FGF18: variants seen among roughly 807,000 people sequenced by gnomAD.
The protein encoded by FGF18 is fibroblast growth factor 18.
Under a neutral mutation model 23.0 loss-of-function variants are expected in FGF18, and 5 were observed. That is an observed-to-expected ratio of 0.22 (90% CI 0.11 to 0.46). The LOEUF (loss-of-function observed/expected upper bound fraction) is 0.46, where lower values mean the gene tolerates loss of function less well. Ranked by LOEUF, FGF18 falls within the 20% of genes least tolerant of loss-of-function variation. The pLI is 0.99. For synonymous variants in FGF18, 117 were observed against 118.9 expected (o/e 0.98, Z 0.10); for missense variants, 180 against 291.6 (o/e 0.62, Z 2.79).
intron 3 of FGF18, among the ~76,000 whole-genome samples, chr5:171,439,839 T>G (rs1468319650): frequency 6.6e-6 from 1 of 152,272 alleles, no homozygotes; most frequent in East Asian, 1.9e-4. Flanking sequence ...GGAAACCTTA[T>G]GATTGGATAT....
intron 2 of FGF18, among the ~76,000 whole-genome samples, chr5:171,428,664 A>G (rs1772133719): frequency 6.6e-6 from 1 of 152,192 alleles, no homozygotes; most frequent in Non-Finnish European, 1.5e-5. Context: ...ATCCATTCCC[A>G]GGAATGGGGA....
chr5:171,420,466 C>T (rs1771986963), intron 2 of FGF18, 23 bp downstream of exon 2: 3 of 1,610,852 alleles, frequency 1.9e-6, no homozygotes, highest in East Asian at 2.2e-5. Flanking sequence ...CTGACTTTGA[C>T]CTCCTCCCGC....
At position 171,420,095 on chromosome 5, in the gene FGF18, AGCGGCG is replaced by A. The variant is rs952244785; in HGVS notation, c.-82_-77del. The A allele has an allele frequency of 3.8e-5, 34 of 895,516 alleles. No individual in the cohort carries two copies. Among genetic ancestry groups the A allele is most frequent in the South Asian group, 1.1e-4 (3 of 27,554 alleles). 55.5% of individuals were successfully genotyped at this position (895,516 alleles called of 1,614,324 possible). A position where few individuals can be genotyped will look rare whatever the true frequency, so the allele number is the denominator to read the frequency against. On this transcript the variant is annotated 5_prime_UTR_variant, in exon 1 of 5. Coordinates refer to ENST00000274625, the MANE Select transcript of FGF18 (RefSeq NM_003862.3). ...CAGCCGGCGAGGAGGGAGCAGCAGC[AGCGGCG>A]GCGGCGGCGGCGGCGGCGGCGGAGG...
Position 171,436,252 on chromosome 5 carries a change from G to A in FGF18, c.229G>A (p.Gly77Ser). Reference sequence around the variant, plus strand: ...CCTGGGCCGCAGGATCAGTGCCCGCGGCGAGGATGGGGACAAGTATGGTAT... The same window carrying A: ...CCTGGGCCGCAGGATCAGTGCCCGCAGCGAGGATGGGGACAAGTATGGTAT... Reference protein sequence around the residue: ...QVLGRRISARGEDGDKYAQLL... With the variant: ...QVLGRRISARSEDGDKYAQLL... The change falls in exon 3 of 5, where the codon GGC (glycine) becomes AGC (serine). Residue 77 changes from glycine to serine, a missense_variant. Gly to Ser is a moderately conservative substitution (Grantham distance 56). Transcript: ENST00000274625. The surrounding 1 kb of genome is among the most constrained non-coding windows in gnomAD (Gnocchi z 4.4). 6.3e-7 allele frequency: 1 copy of A among 1,592,534 alleles called. No homozygotes were observed. Among genetic ancestry groups the A allele is most frequent in the Non-Finnish European group, 8.6e-7 (1 of 1,168,104 alleles).
rs532579827 is a variant in FGF18, at chr5:171,438,184, C to T, written c.250+1911C>T. Among the ~76,000 whole-genome samples, 3 of 151,346 alleles carry T rather than the reference C, an allele frequency of 2.0e-5. No homozygotes were observed. In the East Asian group the frequency reaches 5.8e-4, roughly 29 times the overall value. ...TGGCATGATCTCGGCTCACTGCAAC[C>T]TCTGCCTCCTGGGTTCAAGCGATTC... On this transcript the variant is annotated intron_variant, in intron 3 of 4. Transcript: ENST00000274625.
At chr5:171,427,804 G>T (rs552081373) in intron 2 of FGF18, among the ~76,000 whole-genome samples, 4 of 152,134 alleles carry the variant, frequency 2.6e-5, no homozygotes, top group Non-Finnish European at 5.9e-5. Context: ...TGTTTCCCCC[G>T]ATCCCCATCC....
chr5:171,428,986 C>T (rs1241308657), intron 2 of FGF18, among the ~76,000 whole-genome samples: 1 of 152,200 alleles, frequency 6.6e-6, no homozygotes. Flanking sequence ...CTCAACCCTG[C>T]CAATCAATAC....
chr5:171,451,748 G>A lies in FGF18; in HGVS notation c.357+2495G>A, dbSNP rs76863976. Among the ~76,000 whole-genome samples, 1,768 of 152,256 alleles carry A rather than the reference G, an allele frequency of 0.012. 48 individuals carry two copies. The highest frequency in any genetic ancestry group is 0.04 in the African/African-American group (1,660 of 41,560). ...CATGGATTCCTTATGCTCCAGATGC[G>A]TGGCACTGAGCACCGCTGTTCCATG... On this transcript the variant is annotated intron_variant, in intron 4 of 4. Transcript: ENST00000274625. This position sits in a 1 kb window ranked among gnomAD's most constrained non-coding sequence, Gnocchi z 4.5.
At chr5:171,433,707 G>C (rs926543984) in intron 2 of FGF18, among the ~76,000 whole-genome samples, 1 of 152,200 alleles carries the variant, frequency 6.6e-6, no homozygotes, top group Admixed American at 6.5e-5. Flanking sequence ...TGGGCTGTGT[G>C]GTTTGGAGCA....
chr5:171,432,009 A>G (rs752316554), intron 2 of FGF18, among the ~76,000 whole-genome samples: 1 of 152,162 alleles, frequency 6.6e-6, no homozygotes, highest in Non-Finnish European at 1.5e-5. Flanking sequence ...AGATCGCGCC[A>G]CTGCACTCCA....
Position 171,420,085 on chromosome 5 carries a change from G to GAGCAGC in FGF18, c.-108_-103dup, listed in dbSNP as rs1035393709. Reference sequence around the variant, plus strand: ...GCAGCAGCAGCAGCCGGCGAGGAGGGAGCAGCAGCAGCGGCGGCGGCGGCG... The same window carrying GAGCAGC: ...GCAGCAGCAGCAGCCGGCGAGGAGGGAGCAGCAGCAGCAGCAGCGGCGGCGGCGGCG... On this transcript the variant is annotated 5_prime_UTR_variant, in exon 1 of 5. Transcript: ENST00000274625. 1.4e-5 allele frequency: 12 copies of GAGCAGC among 846,968 alleles called. No homozygotes were observed. Among genetic ancestry groups the GAGCAGC allele is most frequent in the Non-Finnish European group, 1.9e-5 (12 of 628,370 alleles). The allele number at this position is 846,968 out of a possible 1,614,324, so 52.5% of individuals were successfully genotyped here. A position where few individuals can be genotyped will look rare whatever the true frequency, so the allele number is the denominator to read the frequency against.
At chr5:171,422,088 C>T (rs890360803) in intron 2 of FGF18, among the ~76,000 whole-genome samples, 27 of 151,896 alleles carry the variant, frequency 1.8e-4, no homozygotes, top group African/African-American at 5.1e-4. Flanking sequence ...GGGAGGCCTG[C>T]GGATGTGTGG....
intron 2 of FGF18, among the ~76,000 whole-genome samples, chr5:171,425,529 C>CTTTTTTT (rs77671680): frequency 9.4e-6 from 1 of 106,206 alleles, no homozygotes; most frequent in Non-Finnish European, 1.9e-5. Flanking sequence ...CCGCCATGTG[C>CTTTTTTT]TTTTTTTTTT....
At chr5:171,437,841 A>G (rs780940099) in intron 3 of FGF18, among the ~76,000 whole-genome samples, 1 of 152,104 alleles carries the variant, frequency 6.6e-6, no homozygotes, top group Non-Finnish European at 1.5e-5. Context: ...CTGGGAGAGT[A>G]CAGGGGGGTC....
chr5:171,433,200 C>T (rs571339182), intron 2 of FGF18, among the ~76,000 whole-genome samples: 43 of 152,286 alleles, frequency 2.8e-4, no homozygotes, highest in Admixed American at 1.3e-3. Flanking sequence ...TGTTCCCTCC[C>T]GCATCCTGGG....
At chr5:171,445,700 T>C (rs1772408871) in intron 3 of FGF18, among the ~76,000 whole-genome samples, 1 of 151,936 alleles carries the variant, frequency 6.6e-6, no homozygotes, top group Admixed American at 6.6e-5. Context: ...CTGGCTGTGG[T>C]GTAGAGGAGA....
At chr5:171,445,191 G>C (rs1033506704) in intron 3 of FGF18, among the ~76,000 whole-genome samples, 1 of 152,158 alleles carries the variant, frequency 6.6e-6, no homozygotes, top group Admixed American at 6.5e-5. Flanking sequence ...GTGGGAGCGT[G>C]CTTGGTGTGC....
At chr5:171,441,286 T>G (rs1772340186) in intron 3 of FGF18, among the ~76,000 whole-genome samples, 1 of 152,210 alleles carries the variant, frequency 6.6e-6, no homozygotes, top group Non-Finnish European at 1.5e-5. Context: ...AGCATGTTCC[T>G]GCACAGCTCA....
In FGF18 at chr5:171,441,460, A is replaced by C. The variant is rs144034067; in HGVS notation, c.250+5187A>C. On this transcript the variant is annotated intron_variant, in intron 3 of 4. Coordinates refer to ENST00000274625, the MANE Select transcript of FGF18 (RefSeq NM_003862.3). ...CCGGGCATCCCGTGAACACCCAAGC[A>C]CTGTCCGTCTGCGGGCCTTTGCATT... 6.0e-3 allele frequency among the ~76,000 whole-genome samples: 910 copies of C among 152,180 alleles called. 4 individuals are homozygous for C. Among genetic ancestry groups the C allele is most frequent in the Non-Finnish European group, 9.0e-3 (615 of 67,990 alleles).
Sources: allele counts gnomAD v4.1 joint callset (sites outside exome capture counted in the v4.1 genomes callset), GRCh38; gene constraint gnomAD v4.1.1; non-coding constraint Gnocchi (gnomAD v3.1); transcripts MANE v1.5; gene names NCBI Gene and HGNC (gene_info 2026-07-23, HGNC 2026-07-21).